Variants in KCMF1 observed in about 807,000 individuals in gnomAD.
The protein encoded by KCMF1 is potassium channel modulatory factor 1.
A neutral mutation model predicts 41.1 loss-of-function variants in KCMF1; 3 were observed. The observed-to-expected ratio is 0.07, with a 90% CI of 0.03 to 0.19. The LOEUF (loss-of-function observed/expected upper bound fraction) is 0.19, where lower values mean the gene tolerates loss of function less well. Ranked by LOEUF, KCMF1 falls within the 10% of genes least tolerant of loss-of-function variation. KCMF1 has a pLI of 1.00. For synonymous variants in KCMF1, 142 were observed against 164.5 expected, an observed-to-expected ratio of 0.86 and a Z score of 1.04; for missense variants, 286 against 488.9, an observed-to-expected ratio of 0.58 and a Z score of 3.91.
intron 1 of KCMF1, among the ~76,000 whole-genome samples, chr2:84,979,136 G>A (rs901616527): frequency 8.5e-5 from 13 of 152,070 alleles, no homozygotes; most frequent in African/African-American, 2.2e-4. Flanking sequence ...GTGAGCCACC[G>A]CGCCTGGCCA....
At chr2:85,021,422 G>A (rs1381267943) in intron 1 of KCMF1, among the ~76,000 whole-genome samples, 1 of 152,170 alleles carries the variant, frequency 6.6e-6, no homozygotes, top group Non-Finnish European at 1.5e-5. Flanking sequence ...AGGAGATCGA[G>A]AACATCCTGG....
At chr2:84,977,013 T>A (rs1031751788) in intron 1 of KCMF1, among the ~76,000 whole-genome samples, 1 of 152,112 alleles carries the variant, frequency 6.6e-6, no homozygotes, top group African/African-American at 2.4e-5. Flanking sequence ...TCTCTCTCTC[T>A]CCTTTTTTAT....
intron 1 of KCMF1, among the ~76,000 whole-genome samples, chr2:85,003,379 G>T (rs1463588348): frequency 6.6e-6 from 1 of 152,072 alleles, no homozygotes; most frequent in East Asian, 1.9e-4. Flanking sequence ...TCGGGAGGCT[G>T]AGGCAGGAGA....
In KCMF1 at chr2:85,053,151, G is replaced by T; in HGVS notation, c.888G>T (p.Leu296Phe). 6.2e-7 allele frequency: 1 copy of T among 1,612,628 alleles called. No homozygotes were observed. Among genetic ancestry groups the T allele is most frequent in the South Asian group, 1.1e-5 (1 of 90,820 alleles). ...CTTTTCTTTTTAACTTACACAGGTT[G>T]AATGATCCTAAAATGTCTGAAACGG... ...LQNSQFLLTRLNDPKMSETER... is the reference protein window; with the variant it reads ...LQNSQFLLTRFNDPKMSETER... Residue 296 changes from leucine (L) to phenylalanine (F), a missense_variant, in exon 7 of 7, where the codon TTG becomes TTT. Around this residue, in one of 2 missense-constraint regions of KCMF1, gnomAD observed 191 missense variants for 279.3 expected, o/e 0.68. Coordinates refer to ENST00000409785, the MANE Select transcript of KCMF1 (RefSeq NM_020122.5).
At chr2:85,009,474 G>A (rs1205557164) in intron 1 of KCMF1, among the ~76,000 whole-genome samples, 1 of 152,196 alleles carries the variant, frequency 6.6e-6, no homozygotes, top group Non-Finnish European at 1.5e-5. Context: ...TGCCCTTTCA[G>A]TGAGGTCGTG....
chr2:84,999,926 A>C (rs749709600), intron 1 of KCMF1, among the ~76,000 whole-genome samples: 1 of 152,154 alleles, frequency 6.6e-6, no homozygotes, highest in African/African-American at 2.4e-5. Context: ...CCTAGTACTT[A>C]AATGTCCCCT....
chr2:85,051,197 AT>A (rs1054036493), intron 6 of KCMF1, among the ~76,000 whole-genome samples: 4 of 152,202 alleles, frequency 2.6e-5, no homozygotes, highest in Non-Finnish European at 5.9e-5. Flanking sequence ...TTACCAGATA[AT>A]GCTGCTTTAA....
chr2:84,974,106 G>A (rs1171099704), intron 1 of KCMF1, among the ~76,000 whole-genome samples: 3 of 152,132 alleles, frequency 2.0e-5, no homozygotes, highest in Non-Finnish European at 4.4e-5. Context: ...GGGATTACAG[G>A]CGTGAGCCAC....
At chr2:84,972,356 G>A (rs1168576178) in intron 1 of KCMF1, 1 of 152,266 alleles carries the variant, frequency 6.6e-6, no homozygotes, top group Non-Finnish European at 1.5e-5. Flanking sequence ...AGGGCACAAA[G>A]AGACAAATGT....
At chr2:84,988,903 CTT>C (rs1194585543) in intron 1 of KCMF1, among the ~76,000 whole-genome samples, 14 of 152,288 alleles carry the variant, frequency 9.2e-5, no homozygotes, top group South Asian at 2.1e-4. Flanking sequence ...AGCCATGAGA[CTT>C]TGTATAAACA....
In KCMF1 at chr2:85,028,011, A is replaced by G. The variant is rs1675155490; in HGVS notation, c.139A>G (p.Thr47Ala). The G allele has an allele frequency of 2.5e-6, 4 of 1,611,860 alleles. No individual in the cohort carries two copies. The South Asian group carries it at 3.3e-5, about 13-fold the overall frequency. ...AAGTGGTGCAACAACAACAAGGCATACAACTGACCACCCAATGCAGTGCAT... is the reference window on the plus strand; with the variant it reads ...AAGTGGTGCAACAACAACAAGGCATGCAACTGACCACCCAATGCAGTGCAT... ...YESGATTTRH[T>A]TDHPMQCILT... Residue 47 changes from threonine (T) to alanine (A), a missense_variant, in exon 2 of 7, where the codon ACA becomes GCA. By Grantham distance (58) the Thr-to-Ala change is moderately conservative. Transcript: ENST00000409785.
intron 1 of KCMF1, among the ~76,000 whole-genome samples, chr2:84,979,088 T>G (rs1175351141): frequency 6.6e-6 from 1 of 151,894 alleles, no homozygotes; most frequent in Non-Finnish European, 1.5e-5. Context: ...CCTCAAGTGA[T>G]TCCCCCTTCT....
chr2:85,030,722 A>C (rs1574034900), intron 2 of KCMF1, among the ~76,000 whole-genome samples: 1 of 152,252 alleles, frequency 6.6e-6, no homozygotes, highest in African/African-American at 2.4e-5. Context: ...TTTTTGACAC[A>C]GAGTCTCACT....
intron 1 of KCMF1, among the ~76,000 whole-genome samples, chr2:84,984,916 T>G (rs746582091): frequency 2.7e-4 from 41 of 152,034 alleles, no homozygotes; most frequent in Admixed American, 1.2e-3. Context: ...CTCGAACTCT[T>G]GGGCTCAATC....
chr2:84,972,243 G>A (rs1221466036), intron 1 of KCMF1: 1 of 152,322 alleles, frequency 6.6e-6, no homozygotes, highest in Non-Finnish European at 1.5e-5. Context: ...TGACGATGGT[G>A]AGGTCTGTTC....
intron 1 of KCMF1, among the ~76,000 whole-genome samples, chr2:85,000,806 TCTTG>T (rs367784442): frequency 0.012 from 1,752 of 148,040 alleles, 46 homozygotes; most frequent in African/African-American, 0.042. Flanking sequence ...AGAGTCAGGG[TCTTG>T]CTTTGTTGCC....
chr2:85,010,826 C>T (rs554542708), intron 1 of KCMF1, among the ~76,000 whole-genome samples: 3 of 150,974 alleles, frequency 2.0e-5, no homozygotes, highest in African/African-American at 7.3e-5. Flanking sequence ...CTGTGTTATT[C>T]AGTGAGTTAT....
At chr2:84,976,886 A>T (rs1382543530) in intron 1 of KCMF1, among the ~76,000 whole-genome samples, 1 of 152,170 alleles carries the variant, frequency 6.6e-6, no homozygotes, top group African/African-American at 2.4e-5. Flanking sequence ...TAATTGGCAA[A>T]AATTGTATAT....
In KCMF1 at chr2:85,054,601, G is replaced by A. The variant is rs1675885707; in HGVS notation, c.*1192G>A. The A allele has an allele frequency of 6.6e-6, 1 of 151,952 alleles. No homozygotes were observed. The allele number at this position is 151,952 out of a possible 1,614,324, so 9.4% of individuals were successfully genotyped here. ...GTTTGTTTTGGGGTTTGGAAGGGCC[G>A]GGTTATTTTTTATTTCCTGTTTCAG... On this transcript the variant is annotated 3_prime_UTR_variant, in exon 7 of 7. Transcript: ENST00000409785.
Sources: gnomAD v4.1 joint callset for allele counts (sites outside exome capture counted in the v4.1 genomes callset) on GRCh38, gnomAD v4.1.1 for gene constraint, gnomAD v4.1.1 regional missense constraint, MANE v1.5 for transcripts, NCBI Gene and HGNC (gene_info 2026-07-23, HGNC 2026-07-21) for gene names.